N4BP2L2: variants seen among roughly 807,000 people sequenced by gnomAD.
N4BP2L2 encodes the protein NEDD4-binding protein 2-like 2.
A neutral mutation model predicts 56.2 loss-of-function variants in N4BP2L2; 50 were observed. The observed-to-expected ratio is 0.89, with a 90% CI of 0.71 to 1.13. N4BP2L2 has a LOEUF of 1.13. N4BP2L2 is among the 50% of genes most tolerant of loss of function. The probability of loss-of-function intolerance (pLI) is 0.00; values close to 1 mark genes in which losing one functional copy is unlikely to be tolerated. For synonymous variants in N4BP2L2, 203 were observed against 223.6 expected, an observed-to-expected ratio of 0.91 and a Z score of 0.82; for missense variants, 689 against 693.8, an observed-to-expected ratio of 0.99 and a Z score of 0.08.
exon 6 of N4BP2L2, chr13:32,510,596 T>C (rs2047903958): frequency 6.6e-6 from 1 of 151,358 alleles, no homozygotes; most frequent in African/African-American, 2.4e-5. Context: ...CCACCCAGGT[T>C]CAAGCGATTC....
intron 6 of N4BP2L2, among the ~76,000 whole-genome samples, chr13:32,498,062 TTCAACCTCCACC>T (rs2089165214): frequency 6.6e-6 from 1 of 152,208 alleles, no homozygotes; most frequent in Non-Finnish European, 1.5e-5. Flanking sequence ...CTCAGCTCAT[TTCAACCTCCACC>T]TCCTGGGTTT....
chr13:32,465,025 G>A (rs941275836), intron 6 of N4BP2L2, among the ~76,000 whole-genome samples: 8 of 151,934 alleles, frequency 5.3e-5, no homozygotes, highest in African/African-American at 1.9e-4. Context: ...GGAGTGCAGG[G>A]GCTCAATCTC....
At chr13:32,526,717 G>A (rs548315147) in intron 3 of N4BP2L2, among the ~76,000 whole-genome samples, 7 of 149,614 alleles carry the variant, frequency 4.7e-5, no homozygotes, top group African/African-American at 1.5e-4. Context: ...CATCAGAATC[G>A]TCTGGAGAAA....
rs1427296248 is a variant in N4BP2L2, at chr13:32,496,198, A to AT, written c.365+21658dup. ...AAAGGCATATGCAACCAAGCTACCT[A>AT]TTTTTTATTTTTTTTTTTTTACCCC... On this transcript the variant is annotated intron_variant, in intron 6 of 9. Coordinates refer to the N4BP2L2 transcript ENST00000357505. 1.2e-4 allele frequency among the ~76,000 whole-genome samples: 16 copies of AT among 136,270 alleles called. 1 individual carries two copies. Among genetic ancestry groups the AT allele is most frequent in the African/African-American group, 2.6e-4 (10 of 38,182 alleles). 89.4% of individuals were successfully genotyped at this position (136,270 alleles called of 152,430 possible).
intron 6 of N4BP2L2, chr13:32,444,265 T>C (rs961503323): frequency 1.4e-5 from 8 of 554,822 alleles, no homozygotes; most frequent in Admixed American, 4.2e-5. Context: ...ACTTTTTCTT[T>C]GTTTGTTTGT....
At chr13:32,491,551 T>A (rs1431224270) in intron 6 of N4BP2L2, among the ~76,000 whole-genome samples, 1 of 147,554 alleles carries the variant, frequency 6.8e-6, no homozygotes, top group Non-Finnish European at 1.5e-5. Flanking sequence ...ATATACTATA[T>A]ATAAACTATA....
chr13:32,492,916 G>GTTTTTTTTTTTTTTTT (rs35025430), intron 6 of N4BP2L2, among the ~76,000 whole-genome samples: 2 of 107,516 alleles, frequency 1.9e-5, no homozygotes, highest in African/African-American at 7.4e-5. Context: ...TAGCTTTTCT[G>GTTTTTTTTTTTTTTTT]TTTTTTTTTT....
chr13:32,438,759 A>C, intron 7 of N4BP2L2: 1 of 1,542,760 alleles, frequency 6.5e-7, no homozygotes, highest in Non-Finnish European at 8.9e-7. Flanking sequence ...AGAAAGACCT[A>C]ATCTCATCTC....
intron 7 of N4BP2L2, among the ~76,000 whole-genome samples, chr13:32,442,194 G>A (rs1401473335): frequency 2.6e-5 from 4 of 152,182 alleles, no homozygotes; most frequent in African/African-American, 7.2e-5. Context: ...AAAGAGACAT[G>A]AAGACTACCG....
intron 6 of N4BP2L2, among the ~76,000 whole-genome samples, chr13:32,490,412 C>A (rs532311222): frequency 1.3e-5 from 2 of 152,266 alleles, no homozygotes; most frequent in East Asian, 3.9e-4. Context: ...TCAAGCAATT[C>A]TCCTGCCTCA....
intron 6 of N4BP2L2, among the ~76,000 whole-genome samples, chr13:32,493,506 T>C (rs2087714868): frequency 6.6e-6 from 1 of 152,260 alleles, no homozygotes; most frequent in African/African-American, 2.4e-5. Context: ...AAAAATTATG[T>C]AACTTCTCGT....
chr13:32,509,424 G>A (rs2091434921), downstream of N4BP2L2: 1 of 152,116 alleles, frequency 6.6e-6, no homozygotes, highest in Non-Finnish European at 1.5e-5. Context: ...GCCCTGTAAC[G>A]TTGCTCTTCT....
Position 32,490,390 on chromosome 13 carries a change from C to A in N4BP2L2, c.365+27467G>T, listed in dbSNP as rs546256877. On this transcript the variant is annotated intron_variant, in intron 6 of 9. Coordinates refer to the N4BP2L2 transcript ENST00000357505. ...CGCGATCTCGGCTCACTGCAACCTCCGTCTCCCAGGTTCAAGCAATTCTCC... is the reference window on the plus strand; with the variant it reads ...CGCGATCTCGGCTCACTGCAACCTCAGTCTCCCAGGTTCAAGCAATTCTCC... Among the ~76,000 whole-genome samples the A allele has an allele frequency of 2.6e-5, 4 of 152,182 alleles. No individual in the cohort carries two copies. In the South Asian group the frequency reaches 8.3e-4, roughly 32 times the overall value.
At chr13:32,538,770 A>C (rs2057274606) in exon 1 of N4BP2L2, 4 of 985,410 alleles carry the variant, frequency 4.1e-6, no homozygotes, top group Middle Eastern at 5.2e-4. Flanking sequence ...CGCGGTAACA[A>C]ACCTCACCTC....
chr13:32,436,226 CTAT>C (rs2075457884), intron 9 of N4BP2L2: 4 of 424,954 alleles, frequency 9.4e-6, no homozygotes, highest in African/African-American at 6.3e-5. Context: ...CACAAGGTTG[CTAT>C]GGTAACAAAC....
chr13:32,438,659 G>T lies in N4BP2L2; in HGVS notation c.2183C>A (p.Ser728Ter). The T allele has an allele frequency of 6.2e-7, 1 of 1,600,080 alleles. No individual in the cohort carries two copies. Among genetic ancestry groups the T allele is most frequent in the South Asian group, 1.1e-5 (1 of 90,512 alleles). The change falls in exon 8 of 10, where the codon TCA becomes TAA. Residue 728 changes from serine (S) to a stop codon, truncating the protein, a stop_gained. Transcript: ENST00000357505. LOFTEE classifies it high-confidence loss of function. The stretch of plus-strand genomic sequence containing the variant: ...ACACACACACATATATACCTCCACT[G>T]ACATCTTCCATTGCAAGTAGATCAT...
At chr13:32,451,045 A>G (rs1213097866) in intron 6 of N4BP2L2, among the ~76,000 whole-genome samples, 1 of 151,970 alleles carries the variant, frequency 6.6e-6, no homozygotes, top group African/African-American at 2.4e-5. Context: ...GGATATTTGC[A>G]TAAACATTCA....
At chr13:32,504,027 C>A (rs2090490121) in intron 6 of N4BP2L2, among the ~76,000 whole-genome samples, 1 of 152,112 alleles carries the variant, frequency 6.6e-6, no homozygotes, top group Non-Finnish European at 1.5e-5. Context: ...AAAAAAGAGT[C>A]TTGTCTAAGA....
chr13:32,451,571 T>TCA (rs1449993195), intron 6 of N4BP2L2, among the ~76,000 whole-genome samples: 1 of 152,172 alleles, frequency 6.6e-6, no homozygotes, highest in Non-Finnish European at 1.5e-5. Context: ...AGACAGGGTC[T>TCA]CACTCTGTTG....
Sources: allele counts gnomAD v4.1 joint callset (sites outside exome capture counted in the v4.1 genomes callset), GRCh38; gene constraint gnomAD v4.1.1; transcripts MANE v1.5; gene names NCBI Gene and HGNC (gene_info 2026-07-23, HGNC 2026-07-21).